Variants in AQP5 observed in about 807,000 individuals in gnomAD.
AQP5 encodes aquaporin 5, also known as aquaporin-5.
A neutral mutation model predicts 19.1 loss-of-function variants in AQP5; 15 were observed. The observed-to-expected ratio is 0.79, with a 90% confidence interval of 0.53 to 1.21. The LOEUF (loss-of-function observed/expected upper bound fraction) is 1.21. AQP5 is among the 50% of genes most tolerant of loss of function. AQP5 has a pLI of 0.00. For synonymous variants in AQP5, 182 were observed against 160.3 expected (o/e 1.14, Z -1.02); for missense variants, 355 against 357.1 (o/e 0.99, Z 0.05).
intron 3 of AQP5, 40 bp from the exon 4 acceptor site, chr12:49,964,952 C>G (rs138128557): frequency 6.3e-7 from 1 of 1,589,064 alleles, no homozygotes; most frequent in Non-Finnish European, 8.6e-7. Context: ...TCTTCAAGGT[C>G]TGGGGCTCAG....
chr12:49,962,397 G>GC lies in AQP5; in HGVS notation c.363+17_363+18insC. On this transcript the variant is annotated intron_variant, in intron 1 of 3. Coordinates refer to ENST00000293599, the MANE Select transcript of AQP5 (RefSeq NM_001651.4). ...GTCAACGCGGTGAGTGCCCTGGGGGGGGGGTGGGAGCCTCGACCCTGGGGT... is the reference window on the plus strand; with the variant it reads ...GTCAACGCGGTGAGTGCCCTGGGGGGCGGGGTGGGAGCCTCGACCCTGGGGT... 1 of 1,476,584 alleles carries GC rather than the reference G, an allele frequency of 6.8e-7. No individual in the cohort carries two copies. The highest frequency in any genetic ancestry group is 1.5e-5 in the African/African-American group (1 of 68,292). 91.5% of individuals were successfully genotyped at this position (1,476,584 alleles called of 1,614,324 possible).
chr12:49,964,822 T>C, intron 3 of AQP5, 170 bp from the exon 4 acceptor site: 1 of 985,326 alleles, frequency 1.0e-6, no homozygotes, highest in South Asian at 4.7e-5. Context: ...GGGAGTGGTG[T>C]GTCAGTATAT....
At chr12:49,964,672 C>T (rs1026069007) in intron 3 of AQP5, 53 of 985,166 alleles carry the variant, frequency 5.4e-5, no homozygotes, top group Non-Finnish European at 5.8e-5. Context: ...TCTGTTCATC[C>T]GTCTCTCTGA....
At position 49,964,088 on chromosome 12, in the gene AQP5, C is replaced by T. The variant is rs1253035539; in HGVS notation, c.529-4C>T. On this transcript the variant is annotated splice_region_variant and splice_polypyrimidine_tract_variant and intron_variant, in intron 2 of 3. Coordinates refer to ENST00000293599, the MANE Select transcript of AQP5 (RefSeq NM_001651.4). ...TTTCTCTCCACCGCCCTGTCTCTATCCAGATCTACTTCACTGGCTGCTCCA... is the reference window on the plus strand; with the variant it reads ...TTTCTCTCCACCGCCCTGTCTCTATTCAGATCTACTTCACTGGCTGCTCCA... 2 of 1,613,520 alleles carry T rather than the reference C, an allele frequency of 1.2e-6. No homozygotes were observed. Among genetic ancestry groups the T allele is most frequent in the South Asian group, 2.2e-5 (2 of 91,072 alleles).
chr12:49,964,277 TG>T lies in AQP5; in HGVS notation c.612+107del, dbSNP rs143765701. 37 of 1,292,990 alleles carry T rather than the reference TG, an allele frequency of 2.9e-5. No homozygotes were observed. The South Asian group carries it at 3.9e-4, about 14-fold the overall frequency. 80.1% of individuals were successfully genotyped at this position (1,292,990 alleles called of 1,614,324 possible). A position where few individuals can be genotyped will look rare whatever the true frequency, so the allele number is the denominator to read the frequency against. On this transcript the variant is annotated intron_variant, in intron 3 of 3. Coordinates refer to ENST00000293599, the MANE Select transcript of AQP5 (RefSeq NM_001651.4). ...ACCTGGATTCTGTGGGTCTAGAGCTTGGGGGTGGGCCACGGAGTGGTGGCTG... is the reference window on the plus strand; with the variant it reads ...ACCTGGATTCTGTGGGTCTAGAGCTTGGGGTGGGCCACGGAGTGGTGGCTG...
chr12:49,963,627 C>T lies in AQP5; in HGVS notation c.499C>T (p.Leu167=), dbSNP rs143095944. ...GGGCTCCCCAGCCCTGTCCATTGGC[C>T]TGTCTGTCACCCTGGGCCACCTTGT... ...PVGSPALSIG[L]SVTLGHLVGI... is the part of the protein sequence containing the mutation. Residue 167 remains leucine (L), a synonymous_variant, in exon 2 of 4, where the codon CTG becomes TTG. Transcript: ENST00000293599. The T allele has an allele frequency of 1.9e-4, 304 of 1,613,770 alleles. 3 individuals are homozygous for T. In the African/African-American group the frequency reaches 3.4e-3, roughly 18 times the overall value.
At chr12:49,964,530 T>C (rs1248123090) in intron 3 of AQP5, 1 of 548,900 alleles carries the variant, frequency 1.8e-6, no homozygotes, top group Non-Finnish European at 2.3e-6. Flanking sequence ...TATTTATCTG[T>C]CCCTGTTGAG....
rs79182494 is a variant in AQP5, at chr12:49,963,880, A to C, written c.529-212A>C. On this transcript the variant is annotated intron_variant, in intron 2 of 3. Transcript: ENST00000293599. ...AAGTAGGAGGTGGGATGGGACAGGA[A>C]TCAAACCCAACCTCAGAGCAGAGAA... 1.8e-3 allele frequency: 1,416 copies of C among 780,038 alleles called. 17 individuals are homozygous for C. The African/African-American group carries it at 0.021, about 12-fold the overall frequency. 48.3% of individuals were successfully genotyped at this position (780,038 alleles called of 1,614,324 possible). A position where few individuals can be genotyped will look rare whatever the true frequency, so the allele number is the denominator to read the frequency against.
rs1565640184 is a variant in AQP5, at chr12:49,962,377, C to T, written c.360C>T (p.Asn120=). The change falls in exon 1 of 4, where the codon AAC becomes AAT. Residue 120 remains asparagine, a synonymous_variant. Coordinates refer to ENST00000293599, the MANE Select transcript of AQP5 (RefSeq NM_001651.4). Reference sequence around the variant, plus strand: ...ATGCCCGGGGCAATCTGGCCGTCAACGCGGTGAGTGCCCTGGGGGGGGGGT... The same window carrying T: ...ATGCCCGGGGCAATCTGGCCGTCAATGCGGTGAGTGCCCTGGGGGGGGGGT... ...PLNARGNLAV[N]ALNNNTTQGQ... 1 of 1,523,282 alleles carries T rather than the reference C, an allele frequency of 6.6e-7. No homozygotes were observed. The highest frequency in any genetic ancestry group is 8.7e-7 in the Non-Finnish European group (1 of 1,149,154). 94.4% of individuals were successfully genotyped at this position (1,523,282 alleles called of 1,614,324 possible).
At chr12:49,964,324 GGGGAT>G (rs781676703) in intron 3 of AQP5, 149 bp downstream of exon 3, 1 of 861,880 alleles carries the variant, frequency 1.2e-6, no homozygotes, top group Non-Finnish European at 1.8e-6. Context: ...GGACACAGTA[GGGGAT>G]GGGATTCAGC....
At chr12:49,962,454 G>GA (rs5798119) in intron 1 of AQP5, 74 bp downstream of exon 1, 149,053 of 1,448,306 alleles carry the variant, frequency 0.1, 11,399 homozygotes, top group South Asian at 0.31. Flanking sequence ...ACCCCACCTG[G>GA]AAAAAAGGGG....
chr12:49,963,433 G>A lies in AQP5; in HGVS notation c.364-59G>A, dbSNP rs534843101. ...CTGGAGGCCAAAAGCCCTACTCCCC[G>A]AGCCCCTGGCTATACAGCCAGAAGG... On this transcript the variant is annotated intron_variant, in intron 1 of 3. Transcript: ENST00000293599. The A allele has an allele frequency of 2.6e-5, 41 of 1,588,886 alleles. 2 individuals are homozygous for A. In the South Asian group the frequency reaches 2.6e-4, roughly 10 times the overall value.
intron 3 of AQP5, 152 bp downstream of exon 3, chr12:49,964,327 G>A (rs1947463442): frequency 1.2e-6 from 1 of 849,448 alleles, no homozygotes. Flanking sequence ...CACAGTAGGG[G>A]ATGGGATTCA....
chr12:49,963,989 C>G (rs1192671066), intron 2 of AQP5, 103 bp from the exon 3 acceptor site: 13 of 1,215,496 alleles, frequency 1.1e-5, no homozygotes, highest in East Asian at 9.4e-5. Flanking sequence ...GAGTTTGAGA[C>G]CTGGCTGAGC....
chr12:49,962,419 G>C, intron 1 of AQP5, 39 bp downstream of exon 1: 8 of 1,526,816 alleles, frequency 5.2e-6, no homozygotes, highest in Non-Finnish European at 5.2e-6. Flanking sequence ...CTCGACCCTG[G>C]GGTGGGCTCA....
In AQP5 at chr12:49,964,751, T is replaced by C. The variant is rs376789466; in HGVS notation, c.613-241T>C. 2.0e-5 allele frequency: 20 copies of C among 985,390 alleles called. No homozygotes were observed. The East Asian group carries it at 2.2e-3, about 106-fold the overall frequency. 61.0% of individuals were successfully genotyped at this position (985,390 alleles called of 1,614,324 possible). ...GGTGTGGTTGGAGGGAGCCTGTCCC[T>C]CTGGGAATCTGTTTGCCTTCTTTGA... On this transcript the variant is annotated intron_variant, in intron 3 of 3. Transcript: ENST00000293599.
rs1283405000 is a variant in AQP5, at chr12:49,964,565, G to A, written c.612+390G>A. 4.6e-6 allele frequency: 4 copies of A among 860,962 alleles called. No homozygotes were observed. The South Asian group carries it at 1.6e-4, about 35-fold the overall frequency. 53.3% of individuals were successfully genotyped at this position (860,962 alleles called of 1,614,324 possible). A position where few individuals can be genotyped will look rare whatever the true frequency, so the allele number is the denominator to read the frequency against. On this transcript the variant is annotated intron_variant, in intron 3 of 3. Coordinates refer to ENST00000293599, the MANE Select transcript of AQP5 (RefSeq NM_001651.4). ...GGGGGTTGGGAGAGTCTTCCTGTGG[G>A]TCTGTCCCTGTGGACAGTCTGTCTG...
intron 1 of AQP5, 194 bp downstream of exon 1, chr12:49,962,574 T>TC: frequency 1.5e-6 from 1 of 670,206 alleles, no homozygotes; most frequent in Admixed American, 4.3e-5. Context: ...CCACCTCCTC[T>TC]CCCCCTCCCC....
In AQP5 at chr12:49,964,951, T is replaced by C. The variant is rs370191507; in HGVS notation, c.613-41T>C. 1.4e-5 allele frequency: 23 copies of C among 1,587,890 alleles called. No homozygotes were observed. In the African/African-American group the frequency reaches 2.8e-4, roughly 19 times the overall value. Reference sequence around the variant, plus strand: ...GGTGGGGGGCATGTGGTCTTCAAGGTCTGGGGCTCAGCGCCCTGACTCCTG... The same window carrying C: ...GGTGGGGGGCATGTGGTCTTCAAGGCCTGGGGCTCAGCGCCCTGACTCCTG... On this transcript the variant is annotated intron_variant, in intron 3 of 3. Transcript: ENST00000293599.
Sources: allele counts gnomAD v4.1 joint callset, GRCh38; gene constraint gnomAD v4.1.1; transcripts MANE v1.5; gene names NCBI Gene and HGNC (gene_info 2026-07-23, HGNC 2026-07-21).